ASB18: variants seen among roughly 807,000 people sequenced by gnomAD.
The protein encoded by ASB18 is ankyrin repeat and SOCS box protein 18.
In ASB18, 33 loss-of-function variants were observed where a neutral mutation model predicts 33.4. That is an observed-to-expected ratio of 0.99 (90% CI 0.75 to 1.32). The LOEUF (loss-of-function observed/expected upper bound fraction) is 1.32. ASB18 is among the 40% of genes most tolerant of loss of function. ASB18 has a pLI of 0.00. For missense variants in ASB18, 694 were observed against 655.5 expected, an observed-to-expected ratio of 1.06 and a Z score of -0.64; for synonymous variants, 295 against 307.6, an observed-to-expected ratio of 0.96 and a Z score of 0.43.
chr2:236,237,674 T>C lies in ASB18; in HGVS notation c.596+15A>G, dbSNP rs2060601019. The stretch of plus-strand genomic sequence containing the variant: ...GGGCGGGGCGGACGCCGCGGGCCTG[T>C]CCCGAGGTCCTTACCCGAGCGAGGC... On this transcript the variant is annotated intron_variant, in intron 3 of 5. Transcript: ENST00000409749. The surrounding 1 kb of genome is among the most constrained non-coding windows in gnomAD (Gnocchi z 6.2). 1 of 1,420,810 alleles carries C rather than the reference T, an allele frequency of 7.0e-7. No homozygotes were observed. Among genetic ancestry groups the C allele is most frequent in the Non-Finnish European group, 9.1e-7 (1 of 1,094,326 alleles). 88.0% of individuals were successfully genotyped at this position (1,420,810 alleles called of 1,614,324 possible). A position where few individuals can be genotyped will look rare whatever the true frequency, so the allele number is the denominator to read the frequency against.
chr2:236,226,015 T>C lies in ASB18; in HGVS notation c.597-11149A>G, dbSNP rs1222743673. On this transcript the variant is annotated intron_variant, in intron 3 of 5. Transcript: ENST00000409749. The surrounding 1 kb of genome is among the most constrained non-coding windows in gnomAD (Gnocchi z 4.8). Reference sequence around the variant, plus strand: ...ATTAAGGATGACCTAAAATCTACTGTGTTTAAAAAGATTGCAGAGAAAGTA... The same window carrying C: ...ATTAAGGATGACCTAAAATCTACTGCGTTTAAAAAGATTGCAGAGAAAGTA... Among the ~76,000 whole-genome samples the C allele has an allele frequency of 1.3e-5, 2 of 152,196 alleles. No homozygotes were observed. The highest frequency in any genetic ancestry group is 2.1e-4 in the South Asian group (1 of 4,830).
At position 236,257,310 on chromosome 2, in the gene ASB18, G is replaced by C. The variant is rs193020194; in HGVS notation, c.205+6831C>G. Among the ~76,000 whole-genome samples the C allele has an allele frequency of 6.6e-6, 1 of 152,090 alleles. No homozygotes were observed. The highest frequency in any genetic ancestry group is 2.4e-5 in the African/African-American group (1 of 41,416). Reference sequence around the variant, plus strand: ...GAAAGGTTTAATTTCATTTTGCTTCGAGCAGGGTCTCCCTGCCCCCACGCT... The same window carrying C: ...GAAAGGTTTAATTTCATTTTGCTTCCAGCAGGGTCTCCCTGCCCCCACGCT... On this transcript the variant is annotated intron_variant, in intron 1 of 5. Transcript: ENST00000409749. The surrounding 1 kb of genome is among the most constrained non-coding windows in gnomAD (Gnocchi z 5.5).
intron 4 of ASB18, among the ~76,000 whole-genome samples, chr2:236,197,079 C>A (rs996821770): frequency 9.4e-5 from 14 of 149,182 alleles, no homozygotes; most frequent in South Asian, 2.1e-4. Flanking sequence ...CCCGCCCCCC[C>A]CATCAACCCA....
In ASB18 at chr2:236,264,000, C is replaced by T. The variant is rs1034881920; in HGVS notation, c.205+141G>A. ...ATGGTCTATGCAGTACACATATATG[C>T]ATGTATGTATGAGAGTCAGATATCC... On this transcript the variant is annotated intron_variant, in intron 1 of 5. Transcript: ENST00000409749. The surrounding 1 kb of genome is among the most constrained non-coding windows in gnomAD (Gnocchi z 4.0). 17 of 693,378 alleles carry T rather than the reference C, an allele frequency of 2.5e-5. No homozygotes were observed. In the African/African-American group the frequency reaches 3.0e-4, roughly 12 times the overall value. 43.0% of individuals were successfully genotyped at this position (693,378 alleles called of 1,614,324 possible).
chr2:236,258,127 C>T (rs1023068169), intron 1 of ASB18, among the ~76,000 whole-genome samples: 10 of 152,196 alleles, frequency 6.6e-5, no homozygotes, highest in African/African-American at 2.4e-4. Context: ...CAGCTGGTAT[C>T]CTCGCTGCCT....
At position 236,237,645 on chromosome 2, in the gene ASB18, C is replaced by T. The variant is rs1222857066; in HGVS notation, c.596+44G>A. 1.5e-6 allele frequency: 2 copies of T among 1,330,072 alleles called. No individual in the cohort carries two copies. Among genetic ancestry groups the T allele is most frequent in the South Asian group, 1.8e-5 (1 of 54,788 alleles). The allele number at this position is 1,330,072 out of a possible 1,614,324, so 82.4% of individuals were successfully genotyped here. On this transcript the variant is annotated intron_variant, in intron 3 of 5. Coordinates refer to ENST00000409749, the MANE Select transcript of ASB18 (RefSeq NM_212556.4). This position sits in a 1 kb window ranked among gnomAD's most constrained non-coding sequence, Gnocchi z 6.2. ...TCGTGGGGGGAGGCGGGCGTCTGGTCTCGGGGCGGGGCGGACGCCGCGGGC... is the reference window on the plus strand; with the variant it reads ...TCGTGGGGGGAGGCGGGCGTCTGGTTTCGGGGCGGGGCGGACGCCGCGGGC...
In ASB18 at chr2:236,251,292, A is replaced by C. The variant is rs1234282958; in HGVS notation, c.206-9890T>G. Among the ~76,000 whole-genome samples, 1 of 152,240 alleles carries C rather than the reference A, an allele frequency of 6.6e-6. No homozygotes were observed. Among genetic ancestry groups the C allele is most frequent in the Non-Finnish European group, 1.5e-5 (1 of 68,042 alleles). The stretch of plus-strand genomic sequence containing the variant: ...TCAGCGTGCACAACCACGAGTAAAT[A>C]GCCCTGGAAGGACATTTATAGACTC... On this transcript the variant is annotated intron_variant, in intron 1 of 5. Transcript: ENST00000409749. This position sits in a 1 kb window ranked among gnomAD's most constrained non-coding sequence, Gnocchi z 5.3.
rs576055927 is a variant in ASB18, at chr2:236,220,796, G to C, written c.597-5930C>G. Reference sequence around the variant, plus strand: ...CTTCTCTGAGGCAGGTTCTGTTCTAGGCGTTTTCCACAAGTTATGAGTGAC... The same window carrying C: ...CTTCTCTGAGGCAGGTTCTGTTCTACGCGTTTTCCACAAGTTATGAGTGAC... On this transcript the variant is annotated intron_variant, in intron 3 of 5. Coordinates refer to ENST00000409749, the MANE Select transcript of ASB18 (RefSeq NM_212556.4). The surrounding 1 kb of genome is among the most constrained non-coding windows in gnomAD (Gnocchi z 5.1). Among the ~76,000 whole-genome samples, 1 of 152,236 alleles carries C rather than the reference G, an allele frequency of 6.6e-6. No homozygotes were observed. Among genetic ancestry groups the C allele is most frequent in the East Asian group, 1.9e-4 (1 of 5,180 alleles).
rs1311966081 is a variant in ASB18 at position 236,241,354 on chromosome 2, G to C, written c.254C>G (p.Ala85Gly). ...KPLMDQFFQD[A>G]NVVFEINKDE... Reference sequence around the variant, plus strand: ...CTTATTGATCTCAAACACCACGTTGGCATCCTGGAAGAACTGGTCCATGAG... The same window carrying C: ...CTTATTGATCTCAAACACCACGTTGCCATCCTGGAAGAACTGGTCCATGAG... Residue 85 changes from alanine to glycine, a missense_variant, in exon 2 of 6, where the codon GCC (alanine) becomes GGC (glycine). Transcript: ENST00000409749. This position sits in a 1 kb window ranked among gnomAD's most constrained non-coding sequence, Gnocchi z 4.2. 1 of 1,613,924 alleles carries C rather than the reference G, an allele frequency of 6.2e-7. No homozygotes were observed. Among genetic ancestry groups the C allele is most frequent in the Admixed American group, 1.7e-5 (1 of 60,024 alleles).
intron 3 of ASB18, among the ~76,000 whole-genome samples, chr2:236,233,792 T>C (rs1204632200): frequency 6.6e-6 from 1 of 152,188 alleles, no homozygotes; most frequent in Non-Finnish European, 1.5e-5. Flanking sequence ...ATTGTGTGCA[T>C]GATTTGAAAG....
intron 4 of ASB18, among the ~76,000 whole-genome samples, chr2:236,206,379 T>C (rs1343096965): frequency 6.6e-6 from 1 of 152,080 alleles, no homozygotes; most frequent in African/African-American, 2.4e-5. Context: ...TCAGGGTTTC[T>C]AGAAAAAAGG....
At position 236,216,805 on chromosome 2, in the gene ASB18, T is replaced by C. The variant is rs891226088; in HGVS notation, c.597-1939A>G. Among the ~76,000 whole-genome samples the C allele has an allele frequency of 6.6e-6, 1 of 152,216 alleles. No homozygotes were observed. Among genetic ancestry groups the C allele is most frequent in the African/African-American group, 2.4e-5 (1 of 41,468 alleles). The stretch of plus-strand genomic sequence containing the variant: ...CTGCTGGGCGAAGCCCACACTGCTC[T>C]CTTCAGGACCCAGGACACATCATGA... On this transcript the variant is annotated intron_variant, in intron 3 of 5. Coordinates refer to ENST00000409749, the MANE Select transcript of ASB18 (RefSeq NM_212556.4). The surrounding 1 kb of genome is among the most constrained non-coding windows in gnomAD (Gnocchi z 6.1).
chr2:236,245,356 C>T lies in ASB18; in HGVS notation c.206-3954G>A, dbSNP rs1028654820. Among the ~76,000 whole-genome samples, 2 of 152,184 alleles carry T rather than the reference C, an allele frequency of 1.3e-5. No individual in the cohort carries two copies. The highest frequency in any genetic ancestry group is 4.8e-5 in the African/African-American group (2 of 41,440). On this transcript the variant is annotated intron_variant, in intron 1 of 5. Transcript: ENST00000409749. This position sits in a 1 kb window ranked among gnomAD's most constrained non-coding sequence, Gnocchi z 4.7. ...TTGCAGGTGAGGAAACTGGGACTCA[C>T]AGATTCAGTTACCTTTCTCAAGATT... is the stretch of plus-strand genomic sequence containing the variant.
chr2:236,237,518 G>C lies in ASB18; in HGVS notation c.596+171C>G, dbSNP rs1283926368. Among the ~76,000 whole-genome samples the C allele has an allele frequency of 6.6e-6, 1 of 151,098 alleles. No homozygotes were observed. Among genetic ancestry groups the C allele is most frequent in the African/African-American group, 2.4e-5 (1 of 41,350 alleles). On this transcript the variant is annotated intron_variant, in intron 3 of 5. Coordinates refer to ENST00000409749, the MANE Select transcript of ASB18 (RefSeq NM_212556.4). The surrounding 1 kb of genome is among the most constrained non-coding windows in gnomAD (Gnocchi z 6.2). Reference sequence around the variant, plus strand: ...CCGAGGCAGGGGCCGGGGTAGGGACGGGGCGGATGCGGGTCTGGGGATCCA... The same window carrying C: ...CCGAGGCAGGGGCCGGGGTAGGGACCGGGCGGATGCGGGTCTGGGGATCCA...
rs373900311 is a variant in ASB18 at position 236,260,970 on chromosome 2, C to T, written c.205+3171G>A. Among the ~76,000 whole-genome samples, 10 of 152,224 alleles carry T rather than the reference C, an allele frequency of 6.6e-5. No homozygotes were observed. Among genetic ancestry groups the T allele is most frequent in the Middle Eastern group, 3.4e-3 (1 of 294 alleles). ...TCATACCCTCGTTAATAAATGGAGA[C>T]GTTGGTCTCGAGACAGACAGTGAGT... is the stretch of plus-strand genomic sequence containing the variant. On this transcript the variant is annotated intron_variant, in intron 1 of 5. Transcript: ENST00000409749. The surrounding 1 kb of genome is among the most constrained non-coding windows in gnomAD (Gnocchi z 5.1).
rs964707876 is a variant in ASB18 at position 236,237,044 on chromosome 2, C to T, written c.596+645G>A. On this transcript the variant is annotated intron_variant, in intron 3 of 5. Coordinates refer to ENST00000409749, the MANE Select transcript of ASB18 (RefSeq NM_212556.4). The surrounding 1 kb of genome is among the most constrained non-coding windows in gnomAD (Gnocchi z 6.2). ...GGACGGGGGCTGCGGGACCCCCAGA[C>T]CCCGCGCCCGGGCGCGAACTAGCTG... Among the ~76,000 whole-genome samples the T allele has an allele frequency of 6.6e-6, 1 of 151,888 alleles. No individual in the cohort carries two copies. The highest frequency in any genetic ancestry group is 2.4e-5 in the African/African-American group (1 of 41,402).
chr2:236,197,070 CCG>C (rs1401515347), intron 4 of ASB18, among the ~76,000 whole-genome samples: 57 of 151,000 alleles, frequency 3.8e-4, no homozygotes, highest in East Asian at 2.9e-3. Context: ...CCATGTATCC[CCG>C]CCCCCCCCAT....
rs77314144 is a variant in ASB18 at position 236,231,122 on chromosome 2, C to T, written c.596+6567G>A. 6.7e-3 allele frequency among the ~76,000 whole-genome samples: 1,026 copies of T among 152,226 alleles called. 16 individuals carry two copies. Among genetic ancestry groups the T allele is most frequent in the African/African-American group, 0.024 (988 of 41,536 alleles). ...CGTGGGCAGAACCTTTGATTTGCCGCTAACCAATGGACTATTGCAAAGGTG... is the reference window on the plus strand; with the variant it reads ...CGTGGGCAGAACCTTTGATTTGCCGTTAACCAATGGACTATTGCAAAGGTG... On this transcript the variant is annotated intron_variant, in intron 3 of 5. Coordinates refer to ENST00000409749, the MANE Select transcript of ASB18 (RefSeq NM_212556.4). This position sits in a 1 kb window ranked among gnomAD's most constrained non-coding sequence, Gnocchi z 5.5.
Position 236,237,682 on chromosome 2 carries a change from T to C in ASB18, c.596+7A>G. The C allele has an allele frequency of 6.9e-7, 1 of 1,442,312 alleles. No individual in the cohort carries two copies. The highest frequency in any genetic ancestry group is 9.1e-7 in the Non-Finnish European group (1 of 1,103,944). 89.3% of individuals were successfully genotyped at this position (1,442,312 alleles called of 1,614,324 possible). On this transcript the variant is annotated splice_region_variant and intron_variant, in intron 3 of 5. Coordinates refer to ENST00000409749, the MANE Select transcript of ASB18 (RefSeq NM_212556.4). The surrounding 1 kb of genome is among the most constrained non-coding windows in gnomAD (Gnocchi z 6.2). The stretch of plus-strand genomic sequence containing the variant: ...CGGACGCCGCGGGCCTGTCCCGAGG[T>C]CCTTACCCGAGCGAGGCGGCCGTGC...
Sources: gnomAD v4.1 joint callset for allele counts (sites outside exome capture counted in the v4.1 genomes callset) on GRCh38, gnomAD v4.1.1 for gene constraint, Gnocchi (gnomAD v3.1) non-coding constraint, MANE v1.5 for transcripts, NCBI Gene and HGNC (gene_info 2026-07-23, HGNC 2026-07-21) for gene names.